Variants in NRG3 observed in about 807,000 individuals in gnomAD.
NRG3 encodes pro-neuregulin-3, membrane-bound isoform.
Under a neutral mutation model 66.9 loss-of-function variants are expected in NRG3, and 31 were observed. The ratio of observed to expected loss-of-function variants is 0.46; its 90% CI spans 0.35 to 0.63. The LOEUF (loss-of-function observed/expected upper bound fraction) is 0.63, where lower values mean the gene tolerates loss of function less well. Ranked by LOEUF, NRG3 falls within the 20% of genes least tolerant of loss-of-function variation. The pLI is 0.00. For synonymous variants in NRG3, 393 were observed against 359.4 expected, an observed-to-expected ratio of 1.09 and a Z score of -1.06; for missense variants, 910 against 878.9, an observed-to-expected ratio of 1.04 and a Z score of -0.45.
chr10:81,884,327 C>G (rs1194947622), intron 1 of NRG3, among the ~76,000 whole-genome samples: 1 of 152,182 alleles, frequency 6.6e-6, no homozygotes, highest in Non-Finnish European at 1.5e-5. Flanking sequence ...ATGGAGGAAT[C>G]TAACTAGAGA....
intron 1 of NRG3, among the ~76,000 whole-genome samples, chr10:81,926,569 T>C (rs1389313073): frequency 1.3e-5 from 2 of 152,216 alleles, no homozygotes; most frequent in Non-Finnish European, 2.9e-5. Context: ...GCAGATTTTA[T>C]TTATGCCACA....
chr10:82,955,711 A>T (rs149432656), intron 5 of NRG3, among the ~76,000 whole-genome samples: 2 of 151,962 alleles, frequency 1.3e-5, no homozygotes, highest in African/African-American at 2.4e-5. Context: ...CCCTTGAAGT[A>T]AGAGATTTTA....
At chr10:82,137,056 C>A (rs2069417588) in intron 1 of NRG3, among the ~76,000 whole-genome samples, 1 of 152,272 alleles carries the variant, frequency 6.6e-6, no homozygotes, top group African/African-American at 2.4e-5. Flanking sequence ...TCTGGAGGTG[C>A]TTTCTTGTGT....
intron 1 of NRG3, among the ~76,000 whole-genome samples, chr10:82,200,789 G>A (rs1288895314): frequency 6.6e-6 from 1 of 152,048 alleles, no homozygotes; most frequent in Admixed American, 6.6e-5. Context: ...TAACACTTAG[G>A]AGTTGAGAGT....
chr10:82,769,639 G>A (rs1187239610), intron 3 of NRG3, among the ~76,000 whole-genome samples: 1 of 152,074 alleles, frequency 6.6e-6, no homozygotes, highest in East Asian at 1.9e-4. Context: ...GAAAGCAATA[G>A]ACTAGGATTA....
intron 1 of NRG3, among the ~76,000 whole-genome samples, chr10:82,005,452 T>G (rs956411669): frequency 6.6e-6 from 1 of 152,174 alleles, no homozygotes; most frequent in Non-Finnish European, 1.5e-5. Context: ...GTGATAAAAT[T>G]TGACCCGTGC....
chr10:82,778,471 C>T (rs546173858), intron 3 of NRG3, among the ~76,000 whole-genome samples: 4 of 152,128 alleles, frequency 2.6e-5, no homozygotes, highest in African/African-American at 9.7e-5. Context: ...TGAGTGCAAG[C>T]AGGCAAAATG....
intron 1 of NRG3, among the ~76,000 whole-genome samples, chr10:81,880,218 GC>G (rs1177534652): frequency 6.6e-6 from 1 of 151,948 alleles, no homozygotes; most frequent in Non-Finnish European, 1.5e-5. Context: ...TATTTTTAGG[GC>G]CCTTTTTAGT....
intron 1 of NRG3, among the ~76,000 whole-genome samples, chr10:82,052,782 A>G (rs796704023): frequency 2.6e-5 from 4 of 152,324 alleles, no homozygotes; most frequent in South Asian, 4.1e-4. Flanking sequence ...GTATTATTCA[A>G]TTACAAGTGA....
At chr10:82,920,075 G>A (rs1846275778) in intron 4 of NRG3, among the ~76,000 whole-genome samples, 1 of 152,168 alleles carries the variant, frequency 6.6e-6, no homozygotes. Flanking sequence ...ACATGTAAAA[G>A]TTGGACAAAC....
intron 1 of NRG3, chr10:82,232,815 G>T: frequency 1.4e-6 from 1 of 717,362 alleles, no homozygotes; most frequent in Non-Finnish European, 2.6e-6. Context: ...AGAAACAGGA[G>T]CAAGGTAAGT....
intron 1 of NRG3, among the ~76,000 whole-genome samples, chr10:82,281,137 A>G (rs1031525471): frequency 1.3e-5 from 2 of 152,086 alleles, no homozygotes; most frequent in Non-Finnish European, 2.9e-5. Context: ...ACATGCTGCA[A>G]TTTTTACCAA....
At chr10:82,014,803 G>C (rs973176788) in intron 1 of NRG3, among the ~76,000 whole-genome samples, 1 of 152,086 alleles carries the variant, frequency 6.6e-6, no homozygotes, top group Non-Finnish European at 1.5e-5. Context: ...GGAAACCTGA[G>C]ATTTATTCAG....
At chr10:81,995,074 A>G (rs1322013478) in intron 1 of NRG3, among the ~76,000 whole-genome samples, 1 of 152,096 alleles carries the variant, frequency 6.6e-6, no homozygotes, top group Non-Finnish European at 1.5e-5. Flanking sequence ...ATCCTGCTGA[A>G]TGGAGCTCAA....
At chr10:82,590,036 C>T (rs988188293) in intron 2 of NRG3, among the ~76,000 whole-genome samples, 1 of 152,068 alleles carries the variant, frequency 6.6e-6, no homozygotes, top group Admixed American at 6.5e-5. Context: ...TTGCCAGTGA[C>T]ATTTTGGGTT....
chr10:82,582,662 T>TTG (rs141112949), intron 2 of NRG3, among the ~76,000 whole-genome samples: 32,498 of 146,310 alleles, frequency 0.22, 3,602 homozygotes, highest in East Asian at 0.41. Flanking sequence ...TCTATATGTG[T>TTG]TGTGTGTGTG....
intron 6 of NRG3, among the ~76,000 whole-genome samples, chr10:82,963,114 A>G (rs1429079024): frequency 1.3e-5 from 2 of 152,182 alleles, no homozygotes; most frequent in Non-Finnish European, 2.9e-5. Flanking sequence ...CTATCAGAGA[A>G]TGGAAAACGA....
intron 2 of NRG3, among the ~76,000 whole-genome samples, chr10:82,382,724 T>C (rs567743405): frequency 6.6e-6 from 1 of 152,052 alleles, no homozygotes; most frequent in Non-Finnish European, 1.5e-5. Context: ...AAAGTAGTTA[T>C]CTGTACATTT....
intron 1 of NRG3, among the ~76,000 whole-genome samples, chr10:82,064,493 G>C (rs147721489): frequency 6.4e-4 from 97 of 152,114 alleles, no homozygotes; most frequent in African/African-American, 2.2e-3. Flanking sequence ...GGAGATGGTG[G>C]AAAAATGACT....
Sources: allele counts gnomAD v4.1 joint callset (sites outside exome capture counted in the v4.1 genomes callset), GRCh38; gene constraint gnomAD v4.1.1; transcripts MANE v1.5; gene names NCBI Gene and HGNC (gene_info 2026-07-23, HGNC 2026-07-21).